Variants in NKAIN1 observed in about 807,000 individuals in gnomAD.
The protein encoded by NKAIN1 is sodium/potassium transporting ATPase interacting 1.
NKAIN1 carries 13 observed loss-of-function variants against 31.6 expected under a neutral mutation model. That is an observed-to-expected ratio of 0.41 (90% confidence interval 0.27 to 0.65). The LOEUF is 0.65. Ranked by LOEUF, NKAIN1 falls within the 30% of genes least tolerant of loss-of-function variation. The pLI, the probability that NKAIN1 is intolerant of heterozygous loss-of-function variation, is 0.30. For missense variants in NKAIN1, 193 were observed against 262.2 expected, an observed-to-expected ratio of 0.74 and a Z score of 1.82; for synonymous variants, 104 against 109.0, an observed-to-expected ratio of 0.95 and a Z score of 0.28.
chr1:31,187,127 T>C (rs1003711484), intron 2 of NKAIN1, among the ~76,000 whole-genome samples: 1 of 152,188 alleles, frequency 6.6e-6, no homozygotes, highest in African/African-American at 2.4e-5. Flanking sequence ...ACCTGGCTTC[T>C]GGGAACTGAG....
In NKAIN1 at chr1:31,179,876, T is replaced by A. The variant is rs1412605496; in HGVS notation, c.*1827A>T. 1 of 152,210 alleles carries A rather than the reference T, an allele frequency of 6.6e-6. No homozygotes were observed. The highest frequency in any genetic ancestry group is 1.5e-5 in the Non-Finnish European group (1 of 68,100). The allele number at this position is 152,210 out of a possible 1,614,324, so 9.4% of individuals were successfully genotyped here. A position where few individuals can be genotyped will look rare whatever the true frequency, so the allele number is the denominator to read the frequency against. On this transcript the variant is annotated 3_prime_UTR_variant, in exon 7 of 7. Coordinates refer to ENST00000373736, the MANE Select transcript of NKAIN1 (RefSeq NM_024522.3). ...AACCATCTTATAAAAACAAAAGGCT[T>A]CAAAGCACCAGTGGCTACACCCGTT...
At chr1:31,188,875 T>C (rs565961920) in intron 1 of NKAIN1, among the ~76,000 whole-genome samples, 2 of 152,068 alleles carry the variant, frequency 1.3e-5, no homozygotes, top group South Asian at 4.2e-4. Context: ...TTGCCAGGTG[T>C]GGTGGTGCGC....
intron 1 of NKAIN1, among the ~76,000 whole-genome samples, chr1:31,218,435 C>A (rs1312898347): frequency 6.6e-6 from 1 of 152,156 alleles, no homozygotes; most frequent in South Asian, 2.1e-4. Context: ...GATTCTCTCA[C>A]TGAATTTGCT....
chr1:31,217,942 T>A (rs1478526987), intron 1 of NKAIN1, among the ~76,000 whole-genome samples: 1 of 152,190 alleles, frequency 6.6e-6, no homozygotes, highest in Admixed American at 6.5e-5. Flanking sequence ...AATCATGATT[T>A]ATGCTTCATA....
At chr1:31,231,754 T>A (rs1301221180) in intron 1 of NKAIN1, among the ~76,000 whole-genome samples, 2 of 151,794 alleles carry the variant, frequency 1.3e-5, no homozygotes, top group African/African-American at 4.8e-5. Flanking sequence ...ATGGTCTCGA[T>A]CTCCTGACCT....
intron 1 of NKAIN1, among the ~76,000 whole-genome samples, chr1:31,211,971 A>AAAAAT (rs1475899638): frequency 1.3e-5 from 2 of 151,944 alleles, no homozygotes; most frequent in African/African-American, 4.8e-5. Flanking sequence ...ACAAAACAAA[A>AAAAAT]ATATATATAT....
chr1:31,189,161 TAGCCCATC>T (rs1645267629), intron 1 of NKAIN1, among the ~76,000 whole-genome samples: 1 of 151,992 alleles, frequency 6.6e-6, no homozygotes, highest in South Asian at 2.1e-4. Context: ...CCCCGGCTAA[TAGCCCATC>T]AGCCATCAAC....
Position 31,185,241 on chromosome 1 carries a change from G to T in NKAIN1, c.273+6C>A. On this transcript the variant is annotated splice_donor_region_variant and intron_variant, in intron 3 of 6. Transcript: ENST00000373736. ...GCCCTATGGCACTGCCAGGTCTGAG[G>T]CTTACCTGGGACAGCTGTCCAACCT... 6.2e-7 allele frequency: 1 copy of T among 1,604,334 alleles called. No homozygotes were observed. Among genetic ancestry groups the T allele is most frequent in the Non-Finnish European group, 8.5e-7 (1 of 1,174,758 alleles).
At chr1:31,223,507 C>T (rs1253346939) in intron 1 of NKAIN1, among the ~76,000 whole-genome samples, 1 of 152,016 alleles carries the variant, frequency 6.6e-6, no homozygotes, top group Admixed American at 6.5e-5. Flanking sequence ...TGCAGTGGCG[C>T]GATCTCCGCT....
chr1:31,218,016 T>TTTTCTTTCTTTCTTTCTTTCTTTCTTTC lies in NKAIN1; in HGVS notation c.54+21450_54+21477dup, dbSNP rs1553163596. Among the ~76,000 whole-genome samples the TTTTCTTTCTTTCTTTCTTTCTTTCTTTC allele has an allele frequency of 1.5e-3, 163 of 108,220 alleles. 1 individual carries two copies. Among genetic ancestry groups the TTTTCTTTCTTTCTTTCTTTCTTTCTTTC allele is most frequent in the South Asian group, 2.7e-3 (8 of 3,004 alleles). The allele number at this position is 108,220 out of a possible 152,430, so 71.0% of individuals were successfully genotyped here. ...TTGGCCATAATCACAGCAGCTACCA[T>TTTTCTTTCTTTCTTTCTTTCTTTCTTTC]TTTCTTTCTTTCTTTCTTTCTTTCT... On this transcript the variant is annotated intron_variant, in intron 1 of 6. Transcript: ENST00000373736.
In NKAIN1 at chr1:31,233,009, C is replaced by T. The variant is rs111253529; in HGVS notation, c.54+6485G>A. 1.0e-3 allele frequency among the ~76,000 whole-genome samples: 155 copies of T among 152,232 alleles called. No individual in the cohort carries two copies. Among genetic ancestry groups the T allele is most frequent in the Non-Finnish European group, 1.1e-3 (73 of 68,010 alleles). On this transcript the variant is annotated intron_variant, in intron 1 of 6. Coordinates refer to ENST00000373736, the MANE Select transcript of NKAIN1 (RefSeq NM_024522.3). This position sits in a 1 kb window ranked among gnomAD's most constrained non-coding sequence, Gnocchi z 4.0. ...TCCCTGGTTTTCTCAATCTGTATCA[C>T]AGCTCCTTGGCACACTGCAACCTCC... is the stretch of plus-strand genomic sequence containing the variant.
At chr1:31,199,649 C>A (rs1645361314) in intron 1 of NKAIN1, among the ~76,000 whole-genome samples, 1 of 152,092 alleles carries the variant, frequency 6.6e-6, no homozygotes, top group African/African-American at 2.4e-5. Flanking sequence ...TCCGGGGGTC[C>A]ATCTGGGGTC....
chr1:31,199,545 T>G (rs1340759944), intron 1 of NKAIN1, among the ~76,000 whole-genome samples: 1 of 152,110 alleles, frequency 6.6e-6, no homozygotes, highest in African/African-American at 2.4e-5. Context: ...CCCTGAGATC[T>G]GCTGGCCCAA....
In NKAIN1 at chr1:31,239,845, A is replaced by G. The variant is rs1262115662; in HGVS notation, c.-298T>C. Among the ~76,000 whole-genome samples, 1 of 151,888 alleles carries G rather than the reference A, an allele frequency of 6.6e-6. No homozygotes were observed. Among genetic ancestry groups the G allele is most frequent in the Non-Finnish European group, 1.5e-5 (1 of 67,888 alleles). Reference sequence around the variant, plus strand: ...GGGCGGCTGGCGGGGAGCGCGGAGCAAGGAGAGCGAGCCCCGAGCGCGGCG... The same window carrying G: ...GGGCGGCTGGCGGGGAGCGCGGAGCGAGGAGAGCGAGCCCCGAGCGCGGCG... On this transcript the variant is annotated 5_prime_UTR_variant, in exon 1 of 7. Transcript: ENST00000373736. This position sits in a 1 kb window ranked among gnomAD's most constrained non-coding sequence, Gnocchi z 4.8.
intron 1 of NKAIN1, among the ~76,000 whole-genome samples, chr1:31,226,207 G>A (rs1258120497): frequency 2.6e-5 from 4 of 152,140 alleles, no homozygotes; most frequent in African/African-American, 4.8e-5. Flanking sequence ...AGCATCCCGC[G>A]TTAAGCGCCA....
intron 1 of NKAIN1, among the ~76,000 whole-genome samples, chr1:31,206,588 G>A (rs1405501993): frequency 1.3e-5 from 2 of 150,742 alleles, no homozygotes; most frequent in Non-Finnish European, 3.0e-5. Flanking sequence ...GGTGCACACC[G>A]CTACACCTGG....
intron 2 of NKAIN1, 56 bp downstream of exon 2, chr1:31,187,994 G>A: frequency 6.6e-7 from 1 of 1,515,334 alleles, no homozygotes; most frequent in Admixed American, 2.1e-5. Flanking sequence ...GGGAGGGGTG[G>A]AGTGGGCAGG....
In NKAIN1 at chr1:31,180,272, G is replaced by C. The variant is rs1645187088; in HGVS notation, c.*1431C>G. 6.6e-6 allele frequency: 1 copy of C among 152,580 alleles called. No individual in the cohort carries two copies. The highest frequency in any genetic ancestry group is 1.9e-4 in the East Asian group (1 of 5,198). The allele number at this position is 152,580 out of a possible 1,614,324, so 9.5% of individuals were successfully genotyped here. A position where few individuals can be genotyped will look rare whatever the true frequency, so the allele number is the denominator to read the frequency against. On this transcript the variant is annotated 3_prime_UTR_variant, in exon 7 of 7. Transcript: ENST00000373736. ...GTCTCCTGCCCTCCTTTCTAACCCA[G>C]GGCCATGCCTCTTTCACAGATGAAA...
intron 6 of NKAIN1, 46 bp from the exon 7 acceptor site, chr1:31,181,758 T>C: frequency 6.5e-7 from 1 of 1,535,650 alleles, no homozygotes; most frequent in Non-Finnish European, 8.8e-7. Flanking sequence ...CCCAAAAGTA[T>C]GGGGGCGGAG....
Sources: gnomAD v4.1 joint callset for allele counts (sites outside exome capture counted in the v4.1 genomes callset) on GRCh38, gnomAD v4.1.1 for gene constraint, Gnocchi (gnomAD v3.1) non-coding constraint, MANE v1.5 for transcripts, NCBI Gene and HGNC (gene_info 2026-07-23, HGNC 2026-07-21) for gene names.